Variants in VANGL1 observed in about 807,000 individuals in gnomAD.
VANGL1 encodes VANGL planar cell polarity protein 1.
Under a neutral mutation model 48.4 loss-of-function variants are expected in VANGL1, and 18 were observed. The ratio of observed to expected loss-of-function variants is 0.37; its 90% CI spans 0.26 to 0.55. The LOEUF (loss-of-function observed/expected upper bound fraction) is 0.55. VANGL1 is among the 20% of genes least tolerant of loss of function. The probability of loss-of-function intolerance (pLI) is 0.81; values close to 1 mark genes in which losing one functional copy is unlikely to be tolerated. For missense variants in VANGL1, 667 were observed against 675.8 expected (o/e 0.99, Z 0.14); for synonymous variants, 257 against 261.8 (o/e 0.98, Z 0.18).
In VANGL1 at chr1:115,664,265, T is replaced by A. The variant is rs1570751622; in HGVS notation, c.809T>A (p.Leu270Gln). 1.2e-6 allele frequency: 2 copies of A among 1,613,614 alleles called. No individual in the cohort carries two copies. The highest frequency in any genetic ancestry group is 4.5e-5 in the East Asian group (2 of 44,884). The change falls in exon 4 of 8, where the codon CTG (leucine) becomes CAG (glutamine). Residue 270 changes from leucine (L) to glutamine (Q), a missense_variant. Transcript: ENST00000355485. ...GESRFYSLGH[L>Q]SIQRAALVVL... The stretch of plus-strand genomic sequence containing the variant: ...TCCCGCTTCTACAGCCTGGGACACC[T>A]GAGGTAAGAGGCAACATCCAGGAGG...
intron 2 of VANGL1, among the ~76,000 whole-genome samples, chr1:115,654,804 C>G (rs1652282754): frequency 6.6e-6 from 1 of 152,166 alleles, no homozygotes; most frequent in South Asian, 2.1e-4. Flanking sequence ...CTAGGCCCCT[C>G]CCTCATAGCC....
At chr1:115,651,572 G>A in intron 2 of VANGL1, 88 bp downstream of exon 2, 1 of 1,165,136 alleles carries the variant, frequency 8.6e-7, no homozygotes, top group Non-Finnish European at 1.3e-6. Context: ...CAGTGACTCA[G>A]CGCTGGACAT....
In VANGL1 at chr1:115,691,739, C is replaced by T. The variant is rs1653846074; in HGVS notation, c.*360C>T. On this transcript the variant is annotated 3_prime_UTR_variant, in exon 8 of 8. Coordinates refer to ENST00000355485, the MANE Select transcript of VANGL1 (RefSeq NM_138959.3). Reference sequence around the variant, plus strand: ...CAAGTCCCCCGTTGCTTCTGGTCAGCCCACTTGTAGACTTCCAGGGGACAC... The same window carrying T: ...CAAGTCCCCCGTTGCTTCTGGTCAGTCCACTTGTAGACTTCCAGGGGACAC... 8.7e-6 allele frequency: 2 copies of T among 228,698 alleles called. No homozygotes were observed. Among genetic ancestry groups the T allele is most frequent in the South Asian group, 7.4e-5 (1 of 13,554 alleles). The allele number at this position is 228,698 out of a possible 1,614,324, so 14.2% of individuals were successfully genotyped here.
Position 115,644,226 on chromosome 1 carries a change from C to G in VANGL1, c.-138+2140C>G, listed in dbSNP as rs575226578. Among the ~76,000 whole-genome samples the G allele has an allele frequency of 2.6e-5, 4 of 152,352 alleles. No homozygotes were observed. The South Asian group carries it at 8.3e-4, about 32-fold the overall frequency. ...AACGTTTAAGCCCTGGCTCCTGTGG[C>G]AGTCTGGTTTCCCTAACTAACATGA... On this transcript the variant is annotated intron_variant, in intron 1 of 7. Transcript: ENST00000355485.
At chr1:115,668,776 T>C (rs149014607) in intron 4 of VANGL1, among the ~76,000 whole-genome samples, 309 of 152,292 alleles carry the variant, frequency 2.0e-3, no homozygotes, top group African/African-American at 7.3e-3. Context: ...GGCCTCTCCT[T>C]GTTGTTTCCT....
Position 115,696,786 on chromosome 1 carries a change from C to A in VANGL1, c.*5407C>A, listed in dbSNP as rs1478913985. ...CCAGGTGCAGCACTGTGAAAAGTTTCTTTCAATATGGCACCAAGACTCTAC... is the reference window on the plus strand; with the variant it reads ...CCAGGTGCAGCACTGTGAAAAGTTTATTTCAATATGGCACCAAGACTCTAC... On this transcript the variant is annotated 3_prime_UTR_variant, in exon 8 of 8. Coordinates refer to ENST00000355485, the MANE Select transcript of VANGL1 (RefSeq NM_138959.3). 1 of 152,150 alleles carries A rather than the reference C, an allele frequency of 6.6e-6. No individual in the cohort carries two copies. Among genetic ancestry groups the A allele is most frequent in the African/African-American group, 2.4e-5 (1 of 41,442 alleles). The allele number at this position is 152,150 out of a possible 1,614,324, so 9.4% of individuals were successfully genotyped here.
chr1:115,685,270 C>T (rs769409033), intron 6 of VANGL1, 23 bp from the exon 7 acceptor site: 1 of 1,612,600 alleles, frequency 6.2e-7, no homozygotes, highest in African/African-American at 1.3e-5. Flanking sequence ...ATCCTGATTA[C>T]TTAGTGTTGC....
Position 115,695,043 on chromosome 1 carries a change from A to G in VANGL1, c.*3664A>G, listed in dbSNP as rs1335965031. ...ACACTGGCTTCTCCCGCTAGAGTAA[A>G]TGGCTTTAGCACAGCACTGTCTTCT... is the stretch of plus-strand genomic sequence containing the variant. On this transcript the variant is annotated 3_prime_UTR_variant, in exon 8 of 8. Coordinates refer to ENST00000355485, the MANE Select transcript of VANGL1 (RefSeq NM_138959.3). The G allele has an allele frequency of 6.6e-6, 1 of 152,150 alleles. No individual in the cohort carries two copies. Among genetic ancestry groups the G allele is most frequent in the African/African-American group, 2.4e-5 (1 of 41,422 alleles). The allele number at this position is 152,150 out of a possible 1,614,324, so 9.4% of individuals were successfully genotyped here.
chr1:115,652,598 A>G (rs1176765643), intron 2 of VANGL1, among the ~76,000 whole-genome samples: 3 of 152,240 alleles, frequency 2.0e-5, no homozygotes, highest in African/African-American at 7.2e-5. Flanking sequence ...TTTCAGCACT[A>G]TGTTCCAAGG....
At chr1:115,661,758 C>T (rs1652561627) in intron 3 of VANGL1, among the ~76,000 whole-genome samples, 1 of 152,058 alleles carries the variant, frequency 6.6e-6, no homozygotes, top group African/African-American at 2.4e-5. Context: ...GCCGGGATTA[C>T]AGGCACGCAC....
intron 1 of VANGL1, among the ~76,000 whole-genome samples, chr1:115,649,795 G>A (rs1337345547): frequency 6.6e-6 from 1 of 152,160 alleles, no homozygotes; most frequent in Non-Finnish European, 1.5e-5. Context: ...CTGTGAGGTC[G>A]GTGGCTGGTT....
chr1:115,685,480 A>G lies in VANGL1; in HGVS notation c.1267A>G (p.Ile423Val). 1.2e-6 allele frequency: 2 copies of G among 1,614,162 alleles called. No homozygotes were observed. Among genetic ancestry groups the G allele is most frequent in the Non-Finnish European group, 1.7e-6 (2 of 1,180,032 alleles). The change falls in exon 7 of 8, where the codon ATC becomes GTC. Residue 423 changes from isoleucine (I) to valine (V), a missense_variant. Ile to Val is a conservative substitution (Grantham distance 29). Transcript: ENST00000355485. ...RQQNYHSMES[I>V]LQHLAFCITN... ...GCAGAACTACCACAGCATGGAGAGC[A>G]TCCTGCAGCACCTGGCCTTCTGCAT...
chr1:115,666,017 T>C (rs1652768726), intron 4 of VANGL1, among the ~76,000 whole-genome samples: 1 of 152,066 alleles, frequency 6.6e-6, no homozygotes, highest in East Asian at 1.9e-4. Context: ...GAATTTCAGA[T>C]TGTGGCAGCA....
intron 1 of VANGL1, among the ~76,000 whole-genome samples, chr1:115,650,709 G>T (rs1238943325): frequency 6.6e-6 from 1 of 151,814 alleles, no homozygotes; most frequent in East Asian, 1.9e-4. Context: ...TATTCTGGGG[G>T]CATTCAGATT....
At position 115,691,427 on chromosome 1, in the gene VANGL1, A is replaced by G; in HGVS notation, c.*48A>G. 1 of 1,558,278 alleles carries G rather than the reference A, an allele frequency of 6.4e-7. No individual in the cohort carries two copies. Among genetic ancestry groups the G allele is most frequent in the South Asian group, 1.2e-5 (1 of 84,756 alleles). ...TTAAAAAAAAAAGAAAAATATATAGAGAGATATATATCTATGCCAGAGGGG... is the reference window on the plus strand; with the variant it reads ...TTAAAAAAAAAAGAAAAATATATAGGGAGATATATATCTATGCCAGAGGGG... On this transcript the variant is annotated 3_prime_UTR_variant, in exon 8 of 8. Transcript: ENST00000355485.
chr1:115,655,834 A>T (rs888772982), intron 2 of VANGL1, among the ~76,000 whole-genome samples: 1 of 152,116 alleles, frequency 6.6e-6, no homozygotes, highest in African/African-American at 2.4e-5. Flanking sequence ...AGGGATGAGC[A>T]TTTGAGTACA....
Position 115,644,672 on chromosome 1 carries a change from A to G in VANGL1, c.-138+2586A>G, listed in dbSNP as rs185386456. On this transcript the variant is annotated intron_variant, in intron 1 of 7. Transcript: ENST00000355485. ...GTACCATCAGATTTACAGAGGAGAT[A>G]GTACTCATGAGATCTATTTTTCTGA... 3.3e-4 allele frequency among the ~76,000 whole-genome samples: 50 copies of G among 152,312 alleles called. 1 individual carries two copies. The highest frequency in any genetic ancestry group is 1.2e-3 in the African/African-American group (49 of 41,550).
chr1:115,655,295 A>G (rs1460605313), intron 2 of VANGL1, among the ~76,000 whole-genome samples: 1 of 152,236 alleles, frequency 6.6e-6, no homozygotes, highest in African/African-American at 2.4e-5. Context: ...TAATCTTCCC[A>G]GGAAATGCTG....
intron 1 of VANGL1, among the ~76,000 whole-genome samples, chr1:115,646,397 CA>C (rs1651914363): frequency 1.3e-5 from 2 of 151,770 alleles, no homozygotes; most frequent in Non-Finnish European, 2.9e-5. Flanking sequence ...TGCTCTTGGG[CA>C]GTGGCTGAAA....
Sources: gnomAD v4.1 joint callset for allele counts (sites outside exome capture counted in the v4.1 genomes callset) on GRCh38, gnomAD v4.1.1 for gene constraint, MANE v1.5 for transcripts, NCBI Gene and HGNC (gene_info 2026-07-23, HGNC 2026-07-21) for gene names.